Variants in MBD4 observed in about 807,000 individuals in gnomAD.
MBD4 encodes the protein methyl-CpG binding domain 4, DNA glycosylase.
A neutral mutation model predicts 60.2 loss-of-function variants in MBD4; 53 were observed. That is an observed-to-expected ratio of 0.88 (90% CI 0.71 to 1.11). The LOEUF (loss-of-function observed/expected upper bound fraction) is 1.11. Ranked by LOEUF, MBD4 falls within the 50% of genes least tolerant of loss-of-function variation. The probability of loss-of-function intolerance (pLI) is 0.00; values close to 1 mark genes in which losing one functional copy is unlikely to be tolerated. For missense variants in MBD4, 619 were observed against 674.0 expected (o/e 0.92, Z 0.90); for synonymous variants, 231 against 229.8 (o/e 1.01, Z -0.05).
At position 129,437,825 on chromosome 3, in the gene MBD4, G is replaced by GT. The variant is rs2072496202; in HGVS notation, c.229dup (p.Thr77AsnfsTer8). ...AGACTTACGGCATTCTGTTCCTGCA[G>GT]TAGCACCAAACTGAGCAGAAGCGAT... On this transcript the variant is annotated frameshift_variant, in exon 2 of 8. Coordinates refer to ENST00000429544, the MANE Select transcript of MBD4 (RefSeq NM_001276270.2). LOFTEE classifies it high-confidence loss of function. 3.1e-6 allele frequency: 5 copies of GT among 1,613,944 alleles called. No individual in the cohort carries two copies. The highest frequency in any genetic ancestry group is 2.7e-5 in the African/African-American group (2 of 74,918).
chr3:129,433,607 T>C (rs2072398762), intron 5 of MBD4: 2 of 593,514 alleles, frequency 3.4e-6, no homozygotes, highest in Admixed American at 3.1e-5. Context: ...GTTAACTGAT[T>C]TTCACTGATG....
rs886572281 is a variant in MBD4, at chr3:129,436,381, A to T, written c.1183+80T>A. On this transcript the variant is annotated intron_variant, in intron 3 of 7. Coordinates refer to ENST00000429544, the MANE Select transcript of MBD4 (RefSeq NM_001276270.2). ...TTAACCATGTATGGGCACGAATACAAGATGCAGCATTATAAATTTCTCATC... is the reference window on the plus strand; with the variant it reads ...TTAACCATGTATGGGCACGAATACATGATGCAGCATTATAAATTTCTCATC... The T allele has an allele frequency of 1.7e-5, 27 of 1,559,830 alleles. No homozygotes were observed. In the East Asian group the frequency reaches 6.1e-4, roughly 35 times the overall value.
chr3:129,433,242 T>A lies in MBD4; in HGVS notation c.1399A>T (p.Met467Leu), dbSNP rs1370349631. 6.2e-7 allele frequency: 1 copy of A among 1,614,142 alleles called. No homozygotes were observed. ...AACTTCCAAAGCACAGGTATTGCCA[T>A]TTTGCCTGGGAAGTAAAAGTAACTG... ...TIFLNRTSGKMAIPVLWKFLE... is the reference protein window; with the variant it reads ...TIFLNRTSGKLAIPVLWKFLE... Residue 467 changes from methionine (M) to leucine (L), a missense_variant, in exon 6 of 8, where the codon ATG becomes TTG. Transcript: ENST00000429544.
At chr3:129,437,365 G>T in intron 2 of MBD4, 57 bp from the exon 3 acceptor site, 1 of 1,313,978 alleles carries the variant, frequency 7.6e-7, no homozygotes, top group Non-Finnish European at 1.1e-6. Context: ...ACTTTTAAAA[G>T]AACTGGACCA....
chr3:129,437,336 C>T lies in MBD4; in HGVS notation c.336-28G>A, dbSNP rs772812648. On this transcript the variant is annotated intron_variant, in intron 2 of 7. Transcript: ENST00000429544. ...AGAAAATGATATTAAAGGAAACTTA[C>T]TGCTAGTAAATAGAAGGGACTTTTA... The T allele has an allele frequency of 5.1e-6, 8 of 1,580,806 alleles. No homozygotes were observed. In the South Asian group the frequency reaches 8.9e-5, roughly 18 times the overall value.
Position 129,437,087 on chromosome 3 carries a change from T to C in MBD4, c.557A>G (p.Lys186Arg), listed in dbSNP as rs1354587052. 1.2e-6 allele frequency: 2 copies of C among 1,614,010 alleles called. No homozygotes were observed. Among genetic ancestry groups the C allele is most frequent in the Non-Finnish European group, 1.7e-6 (2 of 1,179,870 alleles). The change falls in exon 3 of 8, where the codon AAG becomes AGG. Residue 186 changes from lysine (K) to arginine (R), a missense_variant. Coordinates refer to ENST00000429544, the MANE Select transcript of MBD4 (RefSeq NM_001276270.2). ...WNLRTRSKCK[K>R]DVFMPPSSSS... ...ACTACTTGGCGGCATAAACACATCCTTTTTGCACTTGCTTCGGGTCCTGAG... is the reference window on the plus strand; with the variant it reads ...ACTACTTGGCGGCATAAACACATCCCTTTTGCACTTGCTTCGGGTCCTGAG...
At position 129,431,431 on chromosome 3, in the gene MBD4, G is replaced by T; in HGVS notation, c.*70C>A. 1.7e-6 allele frequency: 2 copies of T among 1,206,148 alleles called. No homozygotes were observed. The highest frequency in any genetic ancestry group is 2.5e-6 in the Non-Finnish European group (2 of 813,444). 74.7% of individuals were successfully genotyped at this position (1,206,148 alleles called of 1,614,324 possible). On this transcript the variant is annotated 3_prime_UTR_variant, in exon 8 of 8. Coordinates refer to ENST00000429544, the MANE Select transcript of MBD4 (RefSeq NM_001276270.2). ...AATCTCTATGGCTGGAAAGGTGGTT[G>T]GTTGTACTTAATTAAGCTTTTTTGA...
intron 3 of MBD4, among the ~76,000 whole-genome samples, chr3:129,435,350 G>C (rs2072438166): frequency 6.6e-6 from 1 of 152,140 alleles, no homozygotes; most frequent in Admixed American, 6.5e-5. Flanking sequence ...TTCTAGCTAA[G>C]CCAATGGGTG....
Position 129,433,079 on chromosome 3 carries a change from T to C in MBD4, c.1543+19A>G. Reference sequence around the variant, plus strand: ...AGCACAATGTATTATGTTTTTCCTTTGGGTGTATAGGAAAATACCTGAGAA... The same window carrying C: ...AGCACAATGTATTATGTTTTTCCTTCGGGTGTATAGGAAAATACCTGAGAA... On this transcript the variant is annotated intron_variant, in intron 6 of 7. Coordinates refer to ENST00000429544, the MANE Select transcript of MBD4 (RefSeq NM_001276270.2). 1 of 1,613,864 alleles carries C rather than the reference T, an allele frequency of 6.2e-7. No homozygotes were observed. The highest frequency in any genetic ancestry group is 1.1e-5 in the South Asian group (1 of 91,074).
chr3:129,437,865 A>G lies in MBD4; in HGVS notation c.190T>C (p.Leu64=). The change falls in exon 2 of 8, where the codon TTG becomes CTG. Residue 64 remains leucine, a synonymous_variant. Coordinates refer to ENST00000429544, the MANE Select transcript of MBD4 (RefSeq NM_001276270.2). ...MIKRSSECNP[L]LQEPIASAQF... is the part of the protein sequence containing the mutation. Reference sequence around the variant, plus strand: ...GCAGAAGCGATGGGTTCTTGTAGCAAGGGATTACATTCACTGCTTCTTTTT... The same window carrying G: ...GCAGAAGCGATGGGTTCTTGTAGCAGGGGATTACATTCACTGCTTCTTTTT... 2 of 1,613,952 alleles carry G rather than the reference A, an allele frequency of 1.2e-6. No homozygotes were observed. Among genetic ancestry groups the G allele is most frequent in the East Asian group, 2.2e-5 (1 of 44,882 alleles).
rs370690359 is a variant in MBD4, at chr3:129,434,082, G to C, written c.1238C>G (p.Ser413Cys). 3 of 1,613,922 alleles carry C rather than the reference G, an allele frequency of 1.9e-6. No individual in the cohort carries two copies. In the African/African-American group the frequency reaches 4.0e-5, roughly 22 times the overall value. The change falls in exon 4 of 8, where the codon TCC becomes TGC. Residue 413 changes from serine (S) to cysteine (C), a missense_variant. Physicochemically the swap from Ser to Cys is moderately radical, Grantham distance 112. Coordinates refer to ENST00000429544, the MANE Select transcript of MBD4 (RefSeq NM_001276270.2). ...IERRKTSLYF[S>C]SKYNKEALSP... Reference sequence around the variant, plus strand: ...GATACCTTCTTTGTTATATTTGCTGGAAAAATACAGGCTTGTTTTCCTTCT... The same window carrying C: ...GATACCTTCTTTGTTATATTTGCTGCAAAAATACAGGCTTGTTTTCCTTCT...
intron 2 of MBD4, among the ~76,000 whole-genome samples, 187 bp downstream of exon 2, chr3:129,437,530 CAGA>C (rs931927004): frequency 4.4e-4 from 67 of 152,260 alleles, no homozygotes; most frequent in Admixed American, 2.3e-3. Context: ...TAACCATTCA[CAGA>C]AGGAGGGACA....
intron 1 of MBD4, among the ~76,000 whole-genome samples, chr3:129,439,496 C>T (rs2072656962): frequency 6.6e-6 from 1 of 152,132 alleles, no homozygotes; most frequent in Non-Finnish European, 1.5e-5. Flanking sequence ...TTTCACAAAA[C>T]CTCCCGGCTC....
At chr3:129,433,549 T>A (rs1251051473) in intron 5 of MBD4, 15 of 578,852 alleles carry the variant, frequency 2.6e-5, no homozygotes, top group Non-Finnish European at 4.3e-5. Flanking sequence ...CAAGGTACAT[T>A]CAGTGAAAAA....
In MBD4 at chr3:129,437,847, C is replaced by T. The variant is rs776001887; in HGVS notation, c.208G>A (p.Ala70Thr). ...ECNPLLQEPI[A>T]SAQFGATAGT... is the part of the protein sequence containing the mutation. ...GCAGTAGCACCAAACTGAGCAGAAG[C>T]GATGGGTTCTTGTAGCAAGGGATTA... Residue 70 changes from alanine (A) to threonine (T), a missense_variant, in exon 2 of 8, where the codon GCT becomes ACT. Coordinates refer to ENST00000429544, the MANE Select transcript of MBD4 (RefSeq NM_001276270.2). The T allele has an allele frequency of 6.4e-5, 104 of 1,613,768 alleles. 1 individual carries two copies. Among genetic ancestry groups the T allele is most frequent in the Middle Eastern group, 4.9e-4 (3 of 6,084 alleles).
chr3:129,438,852 T>G (rs2072594072), intron 1 of MBD4, among the ~76,000 whole-genome samples: 1 of 152,068 alleles, frequency 6.6e-6, no homozygotes, highest in South Asian at 2.1e-4. Flanking sequence ...GAGGACTGCT[T>G]AAGTCCGGCA....
chr3:129,433,838 T>C lies in MBD4; in HGVS notation c.1393+12A>G, dbSNP rs1422652872. On this transcript the variant is annotated intron_variant, in intron 5 of 7. Coordinates refer to ENST00000429544, the MANE Select transcript of MBD4 (RefSeq NM_001276270.2). ...GTCTCTACTAAGACAAAGATGATAA[T>C]AATCCCCAAACCTGAGGTCCGATTG... The C allele has an allele frequency of 1.2e-6, 2 of 1,614,032 alleles. No individual in the cohort carries two copies. The highest frequency in any genetic ancestry group is 4.5e-5 in the East Asian group (2 of 44,878).
intron 1 of MBD4, among the ~76,000 whole-genome samples, chr3:129,438,957 A>C (rs2107763683): frequency 6.6e-6 from 1 of 152,002 alleles, no homozygotes; most frequent in East Asian, 1.9e-4. Context: ...CTAAACTAAA[A>C]CTTCATTAAA....
intron 3 of MBD4, among the ~76,000 whole-genome samples, chr3:129,434,599 T>C (rs1258749632): frequency 6.6e-6 from 1 of 152,168 alleles, no homozygotes; most frequent in African/African-American, 2.4e-5. Flanking sequence ...AACTTCTAAA[T>C]GAAAAAGCAA....
Sources: allele counts gnomAD v4.1 joint callset (sites outside exome capture counted in the v4.1 genomes callset), GRCh38; gene constraint gnomAD v4.1.1; transcripts MANE v1.5; gene names NCBI Gene and HGNC (gene_info 2026-07-23, HGNC 2026-07-21).